The following CACNA2D3 variants were observed in gnomAD, a reference collection of about 807,000 sequenced individuals.
CACNA2D3 encodes calcium voltage-gated channel auxiliary subunit alpha2delta 3.
Under a neutral mutation model 160.6 loss-of-function variants are expected in CACNA2D3, and 60 were observed. The observed-to-expected ratio is 0.37, with a 90% CI of 0.30 to 0.46. The LOEUF (loss-of-function observed/expected upper bound fraction) is 0.46, where lower values mean the gene tolerates loss of function less well. CACNA2D3 is among the 20% of genes least tolerant of loss of function. The probability of loss-of-function intolerance (pLI) is 1.00; values close to 1 mark genes in which losing one functional copy is unlikely to be tolerated. For synonymous variants in CACNA2D3, 558 were observed against 492.9 expected (o/e 1.13, Z -1.75); for missense variants, 1,205 against 1,365.0 (o/e 0.88, Z 1.85).
intron 11 of CACNA2D3, among the ~76,000 whole-genome samples, chr3:54,663,701 T>A (rs1700012007): frequency 6.6e-6 from 1 of 152,218 alleles, no homozygotes; most frequent in East Asian, 1.9e-4. Flanking sequence ...TCATACCAGC[T>A]GACACATCTG....
chr3:54,962,821 G>T (rs531572842), intron 27 of CACNA2D3, among the ~76,000 whole-genome samples: 3 of 152,336 alleles, frequency 2.0e-5, no homozygotes, highest in East Asian at 1.9e-4. Flanking sequence ...GTGAGCTTGT[G>T]TGCCAGGCAT....
intron 2 of CACNA2D3, among the ~76,000 whole-genome samples, chr3:54,189,805 G>A (rs139741195): frequency 3.0e-4 from 45 of 152,282 alleles, no homozygotes; most frequent in South Asian, 1.2e-3. Flanking sequence ...CAATTCAAAC[G>A]TGTTGTGCCT....
chr3:54,200,874 T>G (rs1051099130), intron 2 of CACNA2D3, among the ~76,000 whole-genome samples: 1 of 152,228 alleles, frequency 6.6e-6, no homozygotes, highest in African/African-American at 2.4e-5. Flanking sequence ...ACTTTTTTGT[T>G]GTTGTTGAGA....
At chr3:54,346,982 T>C (rs1044625760) in intron 3 of CACNA2D3, among the ~76,000 whole-genome samples, 12 of 152,250 alleles carry the variant, frequency 7.9e-5, no homozygotes, top group African/African-American at 2.7e-4. Flanking sequence ...CAGTTTAAAA[T>C]GTACATGCAT....
At chr3:55,010,940 A>C (rs1013032323) in intron 34 of CACNA2D3, among the ~76,000 whole-genome samples, 1 of 152,216 alleles carries the variant, frequency 6.6e-6, no homozygotes, top group East Asian at 1.9e-4. Context: ...CTTAACACCT[A>C]ACTGGTGCTG....
chr3:54,565,318 G>T (rs1365330043), intron 6 of CACNA2D3, among the ~76,000 whole-genome samples: 1 of 152,188 alleles, frequency 6.6e-6, no homozygotes, highest in African/African-American at 2.4e-5. Context: ...AATAGAAGGT[G>T]CTGGGTGATC....
chr3:54,477,053 G>C (rs1306799317), intron 4 of CACNA2D3, among the ~76,000 whole-genome samples: 1 of 152,112 alleles, frequency 6.6e-6, no homozygotes, highest in Non-Finnish European at 1.5e-5. Flanking sequence ...GGTCAGCAGA[G>C]ACCAGCCTAA....
At chr3:54,680,061 A>G (rs549769160) in intron 11 of CACNA2D3, among the ~76,000 whole-genome samples, 1 of 152,354 alleles carries the variant, frequency 6.6e-6, no homozygotes, top group East Asian at 1.9e-4. Flanking sequence ...TGAACAAAAT[A>G]TAATTCCCTC....
intron 30 of CACNA2D3, among the ~76,000 whole-genome samples, chr3:54,986,977 G>T (rs1702628548): frequency 6.6e-6 from 1 of 152,176 alleles, no homozygotes; most frequent in South Asian, 2.1e-4. Context: ...ATCTTGGCCA[G>T]CACCAAGAAG....
intron 27 of CACNA2D3, among the ~76,000 whole-genome samples, chr3:54,956,261 C>T (rs1701889817): frequency 6.6e-6 from 1 of 152,222 alleles, no homozygotes; most frequent in African/African-American, 2.4e-5. Flanking sequence ...ATGAGCAGAC[C>T]CGTAAGCGCA....
chr3:54,404,695 C>G (rs935576467), intron 4 of CACNA2D3, among the ~76,000 whole-genome samples: 3 of 152,000 alleles, frequency 2.0e-5, no homozygotes, highest in Non-Finnish European at 4.4e-5. Flanking sequence ...AAAATTATCA[C>G]GAATTACAGA....
intron 27 of CACNA2D3, among the ~76,000 whole-genome samples, chr3:54,945,481 C>G (rs1455439347): frequency 1.3e-5 from 2 of 152,224 alleles, no homozygotes; most frequent in Non-Finnish European, 2.9e-5. Flanking sequence ...GTCTCCAGAG[C>G]AAGAACAATG....
At chr3:54,269,051 G>T (rs1575356181) in intron 2 of CACNA2D3, among the ~76,000 whole-genome samples, 1 of 152,104 alleles carries the variant, frequency 6.6e-6, no homozygotes, top group Non-Finnish European at 1.5e-5. Context: ...CCTGTGGCTT[G>T]GTTTGGTTCT....
intron 11 of CACNA2D3, among the ~76,000 whole-genome samples, chr3:54,740,310 C>A (rs1215466952): frequency 2.0e-5 from 3 of 152,120 alleles, no homozygotes; most frequent in African/African-American, 7.2e-5. Context: ...AATAAACTTT[C>A]TCTGGGGCTT....
At chr3:54,534,534 A>G (rs6808151) in intron 5 of CACNA2D3, among the ~76,000 whole-genome samples, 4,542 of 152,076 alleles carry the variant, frequency 0.03, 224 homozygotes, top group African/African-American at 0.1. Flanking sequence ...CTGTAATGGT[A>G]TATGGCCTCT....
At chr3:54,415,943 A>T (rs1433394460) in intron 4 of CACNA2D3, among the ~76,000 whole-genome samples, 1 of 152,234 alleles carries the variant, frequency 6.6e-6, no homozygotes, top group Non-Finnish European at 1.5e-5. Flanking sequence ...ATTATTTGAA[A>T]GATCTGTCAA....
intron 5 of CACNA2D3, among the ~76,000 whole-genome samples, chr3:54,542,760 C>G (rs1253658956): frequency 6.6e-6 from 1 of 152,146 alleles, no homozygotes; most frequent in Non-Finnish European, 1.5e-5. Context: ...TCCCAGCCCA[C>G]TGACTCAAAA....
At chr3:54,612,123 A>G (rs1698760073) in intron 9 of CACNA2D3, among the ~76,000 whole-genome samples, 2 of 152,184 alleles carry the variant, frequency 1.3e-5, no homozygotes, top group South Asian at 4.1e-4. Context: ...GGGAAGAGGA[A>G]GAGGAAGGAA....
chr3:54,528,334 A>G (rs1701756616), intron 5 of CACNA2D3, among the ~76,000 whole-genome samples: 1 of 152,206 alleles, frequency 6.6e-6, no homozygotes, highest in African/African-American at 2.4e-5. Flanking sequence ...TAAGTGAGTT[A>G]ACAACACTTA....
Sources: allele counts gnomAD v4.1 joint callset (sites outside exome capture counted in the v4.1 genomes callset), GRCh38; gene constraint gnomAD v4.1.1; transcripts MANE v1.5; gene names NCBI Gene and HGNC (gene_info 2026-07-23, HGNC 2026-07-21).